The following SPANXN3 variants were observed in gnomAD, a reference collection of about 807,000 sequenced individuals.
SPANXN3 encodes the protein sperm protein associated with the nucleus on the X chromosome N3.
In SPANXN3, 1 loss-of-function variant was observed where a neutral mutation model predicts 1.9. The observed-to-expected ratio is 0.54, with a 90% CI of 0.19 to 2.54. The LOEUF is 2.54. Among genes scored for constraint, SPANXN3 ranks in the 30% most tolerant of loss-of-function variants. The pLI is 0.24. For synonymous variants in SPANXN3, 47 were observed against 40.0 expected, an observed-to-expected ratio of 1.17 and a Z score of -0.66; for missense variants, 113 against 96.2, an observed-to-expected ratio of 1.17 and a Z score of -0.73.
rs1556411286 is a variant in SPANXN3, at chrX:143,509,100, T to C, written c.141A>G (p.Ser47=). ...PEQSLKNTKT[S]EYPIIFVYYL... ...AATACACAAATATTATTGGATATTC[T>C]GATGTTTTTGTGTTCTTCAAACTCT... is the stretch of plus-strand genomic sequence containing the variant. Residue 47 remains serine (S), a synonymous_variant, in exon 2 of 2, where the codon TCA becomes TCG. Transcript: ENST00000370503. The C allele has an allele frequency of 8.3e-7, 1 of 1,211,827 alleles. No homozygotes were observed. The highest frequency in any genetic ancestry group is 2.2e-5 in the Admixed American group (1 of 46,061).
chrX:143,509,352 G>A (rs150309248), intron 1 of SPANXN3, among the ~76,000 whole-genome samples, 190 bp from the exon 2 acceptor site: 46 of 111,188 alleles, frequency 4.1e-4, no homozygotes, highest in African/African-American at 1.4e-3. Context: ...AGAGTCACCT[G>A]TTAGTCCAAA....
intron 1 of SPANXN3, among the ~76,000 whole-genome samples, chrX:143,516,293 C>T (rs1211407702): frequency 2.7e-5 from 3 of 112,524 alleles, no homozygotes; most frequent in Non-Finnish European, 3.7e-5. Flanking sequence ...TAACCTACAA[C>T]TTTTGTCTGT....
intron 1 of SPANXN3, among the ~76,000 whole-genome samples, chrX:143,511,550 T>G (rs1929092207): frequency 2.7e-5 from 3 of 111,216 alleles, no homozygotes; most frequent in African/African-American, 9.8e-5. Context: ...TTAAGGTCTA[T>G]AAGATTAGAG....
intron 1 of SPANXN3, among the ~76,000 whole-genome samples, chrX:143,513,355 C>A (rs1177336246): frequency 2.7e-5 from 3 of 112,245 alleles, no homozygotes; most frequent in Non-Finnish European, 5.6e-5. Flanking sequence ...GCCAAACATA[C>A]GGCAACGCCA....
intron 1 of SPANXN3, among the ~76,000 whole-genome samples, chrX:143,513,139 C>T (rs182401224): frequency 1.8e-5 from 2 of 111,881 alleles, no homozygotes; most frequent in African/African-American, 6.5e-5. Context: ...GCTGTCAGTT[C>T]CCAATTTTGA....
intron 1 of SPANXN3, among the ~76,000 whole-genome samples, chrX:143,515,469 C>T (rs1443191251): frequency 3.6e-5 from 4 of 111,429 alleles, no homozygotes; most frequent in African/African-American, 1.3e-4. Flanking sequence ...TACCCTTCCC[C>T]ATGTCCCTGA....
chrX:143,515,793 T>C (rs1929203039), intron 1 of SPANXN3, among the ~76,000 whole-genome samples: 1 of 111,946 alleles, frequency 8.9e-6, no homozygotes, highest in Non-Finnish European at 1.9e-5. Context: ...TCTCACCTAC[T>C]TGACCAGTTC....
chrX:143,510,763 C>T (rs1929073250), intron 1 of SPANXN3, among the ~76,000 whole-genome samples: 1 of 110,009 alleles, frequency 9.1e-6, no homozygotes, highest in African/African-American at 3.3e-5. Flanking sequence ...TGAATTTCAA[C>T]CTGGCCAACA....
chrX:143,508,861 T>A lies in SPANXN3; in HGVS notation c.380A>T (p.Asp127Val), dbSNP rs1556411219. Residue 127 changes from aspartate to valine, a missense_variant, in exon 2 of 2, where the codon GAC (aspartate) becomes GTC (valine). By Grantham distance (152) the Asp-to-Val change is radical (BLOSUM62 -3). Transcript: ENST00000370503. ...SSEGSSQEDE[D>V]LGLSEGSSQD... Reference sequence around the variant, plus strand: ...TGAAGATCCTTCAGATAAGCCTAGGTCTTCATCCTCCTGTGAGGATCCTTC... The same window carrying A: ...TGAAGATCCTTCAGATAAGCCTAGGACTTCATCCTCCTGTGAGGATCCTTC... 2 of 1,211,772 alleles carry A rather than the reference T, an allele frequency of 1.7e-6. No homozygotes were observed. The highest frequency in any genetic ancestry group is 3.0e-5 in the East Asian group (1 of 33,814).
In SPANXN3 at chrX:143,509,272, G is replaced by T. The variant is rs142221753; in HGVS notation, c.79-110C>A. ...AAGGAATGCAGGTGGAGGAAGGGGTGTGTGCCAGAGAAGAACAAGGTGAAA... is the reference window on the plus strand; with the variant it reads ...AAGGAATGCAGGTGGAGGAAGGGGTTTGTGCCAGAGAAGAACAAGGTGAAA... On this transcript the variant is annotated intron_variant, in intron 1 of 1. Coordinates refer to ENST00000370503, the MANE Select transcript of SPANXN3 (RefSeq NM_001009609.4). The T allele has an allele frequency of 5.7e-3, 3,491 of 611,137 alleles. 34 individuals carry two copies. Among genetic ancestry groups the T allele is most frequent in the Admixed American group, 0.043 (1,425 of 32,845 alleles). 50.4% of individuals were successfully genotyped at this position (611,137 alleles called of 1,213,427 possible).
chrX:143,512,008 G>C (rs781818358), intron 1 of SPANXN3, among the ~76,000 whole-genome samples: 3 of 110,480 alleles, frequency 2.7e-5, no homozygotes, highest in African/African-American at 9.9e-5. Context: ...TCTGTTCTTC[G>C]ATCTCTATTG....
chrX:143,510,916 A>G (rs782502325), intron 1 of SPANXN3, among the ~76,000 whole-genome samples: 2 of 110,537 alleles, frequency 1.8e-5, no homozygotes, highest in South Asian at 8.0e-4. Context: ...TCTTTTGCCG[A>G]AAACCAGACA....
intron 1 of SPANXN3, among the ~76,000 whole-genome samples, chrX:143,516,174 C>T (rs1247318820): frequency 1.8e-5 from 2 of 112,174 alleles, no homozygotes; most frequent in African/African-American, 3.2e-5. Context: ...CCTATCAGGC[C>T]GTCAGAGGGG....
intron 1 of SPANXN3, among the ~76,000 whole-genome samples, chrX:143,513,047 G>T (rs782672893): frequency 4.5e-5 from 5 of 111,150 alleles, no homozygotes; most frequent in Non-Finnish European, 9.4e-5. Context: ...CCAACCCAAT[G>T]AAAGGAGCTA....
At chrX:143,515,804 A>G (rs1556412398) in intron 1 of SPANXN3, among the ~76,000 whole-genome samples, 2 of 111,939 alleles carry the variant, frequency 1.8e-5, no homozygotes, top group African/African-American at 6.5e-5. Flanking sequence ...TGACCAGTTC[A>G]TTCCCAAACC....
At chrX:143,512,048 A>G (rs1929103451) in intron 1 of SPANXN3, among the ~76,000 whole-genome samples, 1 of 111,088 alleles carries the variant, frequency 9.0e-6, no homozygotes, top group African/African-American at 3.3e-5. Context: ...CTCTAGGCAC[A>G]GACTCGTCCT....
rs199758045 is a variant in SPANXN3 at position 143,509,133 on chromosome X, G to T, written c.108C>A (p.Ala36=). Residue 36 remains alanine, a synonymous_variant, in exon 2 of 2, where the codon GCC becomes GCA. Coordinates refer to ENST00000370503, the MANE Select transcript of SPANXN3 (RefSeq NM_001009609.4). ...TTGTGTTCTTCAAACTCTGTTCGGG[G>T]GCTAAGACTCTGTTTGGTACCTCTT... ...EMQEVPNRVL[A]PEQSLKNTKT... is the part of the protein sequence containing the mutation. 2.5e-6 allele frequency: 3 copies of T among 1,209,788 alleles called. No homozygotes were observed. Among genetic ancestry groups the T allele is most frequent in the Non-Finnish European group, 3.4e-6 (3 of 894,511 alleles).
intron 1 of SPANXN3, among the ~76,000 whole-genome samples, chrX:143,513,323 G>A (rs1556412021): frequency 8.9e-6 from 1 of 111,818 alleles, no homozygotes; most frequent in Admixed American, 9.4e-5. Context: ...TTCTGACCAG[G>A]GCCTTGCCCT....
rs1169525163 is a variant in SPANXN3, at chrX:143,508,928, A to G, written c.313T>C (p.Cys105Arg). 2.5e-6 allele frequency: 3 copies of G among 1,210,101 alleles called. No homozygotes were observed. Among genetic ancestry groups the G allele is most frequent in the Non-Finnish European group, 3.4e-6 (3 of 895,217 alleles). The change falls in exon 2 of 2, where the codon TGT (cysteine) becomes CGT (arginine). Residue 105 changes from cysteine to arginine, a missense_variant. Coordinates refer to ENST00000370503, the MANE Select transcript of SPANXN3 (RefSeq NM_001009609.4). The stretch of plus-strand genomic sequence containing the variant: ...TTGTCCTCCTTTGAAGGTCCTTCAC[A>G]TGGGCCTAGGTCTTCATCCTCATTT... ...SSNEDEDLGP[C>R]EGPSKEDKDL...
Sources: gnomAD v4.1 joint callset for allele counts (sites outside exome capture counted in the v4.1 genomes callset) on GRCh38, gnomAD v4.1.1 for gene constraint, MANE v1.5 for transcripts, NCBI Gene and HGNC (gene_info 2026-07-23, HGNC 2026-07-21) for gene names.